KIT: variants seen among roughly 807,000 people sequenced by gnomAD.
KIT encodes the protein KIT proto-oncogene, receptor tyrosine kinase, also known as mast/stem cell growth factor receptor Kit.
Under a neutral mutation model 105.7 loss-of-function variants are expected in KIT, and 16 were observed. The ratio of observed to expected loss-of-function variants is 0.15; its 90% CI spans 0.10 to 0.23. The LOEUF (loss-of-function observed/expected upper bound fraction) is 0.23. KIT is among the 10% of genes least tolerant of loss of function. The pLI, the probability that KIT is intolerant of heterozygous loss-of-function variation, is 1.00. For missense variants in KIT, 858 were observed against 1,213.8 expected (o/e 0.71, Z 4.36); for synonymous variants, 438 against 441.1 (o/e 0.99, Z 0.09).
rs539616204 is a variant in KIT, at chr4:54,660,258, A to G, written c.67+2177A>G. Among the ~76,000 whole-genome samples, 11 of 152,206 alleles carry G rather than the reference A, an allele frequency of 7.2e-5. 1 individual carries two copies. In the South Asian group the frequency reaches 1.5e-3, roughly 20 times the overall value. On this transcript the variant is annotated intron_variant, in intron 1 of 20. Coordinates refer to ENST00000288135, the MANE Select transcript of KIT (RefSeq NM_000222.3). ...ATGCTTACTGCCCTTCAATTCCCAT[A>G]TATTCCTCTGCATTGCCCTTTGAGG...
At chr4:54,709,032 A>C (rs1720971116) in intron 6 of KIT, among the ~76,000 whole-genome samples, 1 of 151,284 alleles carries the variant, frequency 6.6e-6, no homozygotes, top group South Asian at 2.1e-4. Flanking sequence ...GAGCATGTGC[A>C]TGCAGGGCAG....
At chr4:54,670,649 A>G (rs971687365) in intron 1 of KIT, among the ~76,000 whole-genome samples, 1 of 152,184 alleles carries the variant, frequency 6.6e-6, no homozygotes, top group Non-Finnish European at 1.5e-5. Context: ...TTTCTCCCGC[A>G]AAGTGAGTCA....
intron 1 of KIT, among the ~76,000 whole-genome samples, chr4:54,693,099 C>G (rs1719822277): frequency 6.6e-6 from 1 of 152,222 alleles, no homozygotes; most frequent in Non-Finnish European, 1.5e-5. Flanking sequence ...ATCTCTATTT[C>G]TGTCTTGTAC....
chr4:54,726,101 A>G (rs564818119), intron 9 of KIT, 51 bp downstream of exon 9: 26 of 1,427,356 alleles, frequency 1.8e-5, no homozygotes, highest in African/African-American at 7.0e-5. Flanking sequence ...TCTGTCTACC[A>G]TATCAGTCAT....
chr4:54,704,977 A>G (rs1256324956), intron 5 of KIT, among the ~76,000 whole-genome samples: 1 of 152,212 alleles, frequency 6.6e-6, no homozygotes, highest in Non-Finnish European at 1.5e-5. Flanking sequence ...TGAACATGGA[A>G]AAGATACTTT....
Position 54,657,980 on chromosome 4 carries a change from T to G in KIT, c.-35T>G. The G allele has an allele frequency of 6.2e-7, 1 of 1,608,586 alleles. No homozygotes were observed. The highest frequency in any genetic ancestry group is 1.1e-5 in the South Asian group (1 of 90,788). On this transcript the variant is annotated 5_prime_UTR_variant, in exon 1 of 21. Transcript: ENST00000288135. The stretch of plus-strand genomic sequence containing the variant: ...CTGCACTTGGGCGAGAGCTGGAACG[T>G]GGACCAGAGCTCGGATCCCATCGCA...
rs949862921 is a variant in KIT at position 54,727,408 on chromosome 4, C to T, written c.1648-8C>T. The T allele has an allele frequency of 3.7e-6, 6 of 1,614,006 alleles. No individual in the cohort carries two copies. The highest frequency in any genetic ancestry group is 3.3e-4 in the Middle Eastern group (2 of 6,084). ...AAAGGTGATCTATTTTTCCCTTTCT[C>T]CCCACAGAAACCCATGTATGAAGTA... On this transcript the variant is annotated splice_polypyrimidine_tract_variant and splice_region_variant and intron_variant, in intron 10 of 20. Transcript: ENST00000288135.
chr4:54,709,369 T>G (rs1415181861), intron 6 of KIT, 55 bp from the exon 7 acceptor site: 14 of 1,095,028 alleles, frequency 1.3e-5, no homozygotes, highest in Non-Finnish European at 1.8e-5. Context: ...GAAAAAGACA[T>G]GCCTTCCAAG....
At chr4:54,703,988 A>G (rs1577963494) in intron 5 of KIT, 96 bp downstream of exon 5, 6 of 1,045,060 alleles carry the variant, frequency 5.7e-6, no homozygotes, top group South Asian at 5.1e-5. Context: ...TGTTGAACAG[A>G]TTCTTAGAAT....
In KIT at chr4:54,698,580, T is replaced by A. The variant is rs1353582305; in HGVS notation, c.619+15T>A. ...AGTGAGGCCAGGTACTGGCTCTTTC[T>A]TATCTGCCTCTGGGAGTTGAGAACT... On this transcript the variant is annotated intron_variant, in intron 3 of 20. Coordinates refer to ENST00000288135, the MANE Select transcript of KIT (RefSeq NM_000222.3). 6.2e-7 allele frequency: 1 copy of A among 1,613,664 alleles called. No individual in the cohort carries two copies. The highest frequency in any genetic ancestry group is 8.5e-7 in the Non-Finnish European group (1 of 1,179,860).
intron 1 of KIT, among the ~76,000 whole-genome samples, chr4:54,671,805 G>T (rs912970095): frequency 6.6e-6 from 1 of 152,068 alleles, no homozygotes; most frequent in Non-Finnish European, 1.5e-5. Flanking sequence ...ATTTCAAATA[G>T]GATAGTGTAA....
chr4:54,697,560 C>T (rs1373376330), intron 2 of KIT, among the ~76,000 whole-genome samples: 3 of 152,298 alleles, frequency 2.0e-5, no homozygotes. Context: ...CACTTTCACT[C>T]ACAAGTGTCC....
In KIT at chr4:54,707,057, G is replaced by C. The variant is rs750545334; in HGVS notation, c.926-41G>C. The C allele has an allele frequency of 4.3e-6, 5 of 1,162,282 alleles. No homozygotes were observed. The African/African-American group carries it at 7.6e-5, about 18-fold the overall frequency. The allele number at this position is 1,162,282 out of a possible 1,614,324, so 72.0% of individuals were successfully genotyped here. A position where few individuals can be genotyped will look rare whatever the true frequency, so the allele number is the denominator to read the frequency against. On this transcript the variant is annotated intron_variant, in intron 5 of 20. Transcript: ENST00000288135. ...GGTTCTGTTTTTTTGTCCAGTAGTTGTAGATAATGGTTTCTTTCTGTCTTA... is the reference window on the plus strand; with the variant it reads ...GGTTCTGTTTTTTTGTCCAGTAGTTCTAGATAATGGTTTCTTTCTGTCTTA...
Position 54,729,448 on chromosome 4 carries a change from C to T in KIT, c.2104C>T (p.Leu702Phe), listed in dbSNP as rs768847037. The T allele has an allele frequency of 3.1e-6, 5 of 1,613,632 alleles. No individual in the cohort carries two copies. The South Asian group carries it at 3.3e-5, about 11-fold the overall frequency. The change falls in exon 14 of 21, where the codon CTT becomes TTT. Residue 702 changes from leucine (L) to phenylalanine (F), a missense_variant. Leu to Phe is a conservative substitution (Grantham distance 22, BLOSUM62 0). Around this residue, in one of 7 missense-constraint regions of KIT, gnomAD observed 158 missense variants for 218.7 expected, o/e 0.72. Coordinates refer to ENST00000288135, the MANE Select transcript of KIT (RefSeq NM_000222.3). ...GCAGGAAGATCATGCAGAAGCTGCA[C>T]TTTATAAGAATCTTCTGCATTCAAA... ...SKQEDHAEAA[L>F]YKNLLHSKES... is the part of the protein sequence containing the mutation.
At chr4:54,737,941 C>T (rs905325568) in intron 20 of KIT, among the ~76,000 whole-genome samples, 2 of 152,134 alleles carry the variant, frequency 1.3e-5, no homozygotes, top group Non-Finnish European at 2.9e-5. Flanking sequence ...TCTTTTCTTT[C>T]CTAATAGCAC....
intron 5 of KIT, among the ~76,000 whole-genome samples, chr4:54,704,347 G>A (rs991019122): frequency 6.6e-6 from 1 of 152,150 alleles, no homozygotes; most frequent in Non-Finnish European, 1.5e-5. Flanking sequence ...TTCTAGTAAG[G>A]ACTGAATTGG....
chr4:54,674,937 A>G (rs529069659), intron 1 of KIT, among the ~76,000 whole-genome samples: 30 of 152,218 alleles, frequency 2.0e-4, no homozygotes, highest in Non-Finnish European at 4.1e-4. Context: ...AAAGTATTAA[A>G]TCACATTTAT....
At chr4:54,702,689 A>C (rs1720530344) in intron 4 of KIT, among the ~76,000 whole-genome samples, 1 of 152,156 alleles carries the variant, frequency 6.6e-6, no homozygotes, top group Non-Finnish European at 1.5e-5. Flanking sequence ...CAACATATTG[A>C]AGCTTTTATT....
At chr4:54,665,772 A>G (rs1376955921) in intron 1 of KIT, among the ~76,000 whole-genome samples, 4 of 152,166 alleles carry the variant, frequency 2.6e-5, no homozygotes, top group Admixed American at 1.3e-4. Context: ...TTGAAACTCA[A>G]TTTCACAGAC....
Sources: gnomAD v4.1 joint callset for allele counts (sites outside exome capture counted in the v4.1 genomes callset) on GRCh38, gnomAD v4.1.1 for gene constraint, gnomAD v4.1.1 regional missense constraint, MANE v1.5 for transcripts, NCBI Gene and HGNC (gene_info 2026-07-23, HGNC 2026-07-21) for gene names.